The following CFAP95 variants were observed in gnomAD, a reference collection of about 807,000 sequenced individuals.
CFAP95 encodes cilia- and flagella-associated protein 95.
the CFAP95 span, among the ~76,000 whole-genome samples, chr9:69,898,392 T>C: frequency 1.3e-5 from 2 of 152,212 alleles, no homozygotes; most frequent in Non-Finnish European, 2.9e-5. Context: ...TCTCAGAGAA[T>C]TCATCAATTG....
At chr9:69,893,890 T>C in the CFAP95 span, among the ~76,000 whole-genome samples, 1 of 152,234 alleles carries the variant, frequency 6.6e-6, no homozygotes. Context: ...AAATGAATAA[T>C]TGCCATTTGC....
At chr9:69,898,717 A>G in the CFAP95 span, among the ~76,000 whole-genome samples, 8 of 152,120 alleles carry the variant, frequency 5.3e-5, no homozygotes, top group African/African-American at 1.9e-4. Context: ...TGTTCTTTAT[A>G]GCTATTTTTT....
At chr9:69,827,815 C>T in the CFAP95 span, among the ~76,000 whole-genome samples, 1 of 152,174 alleles carries the variant, frequency 6.6e-6, no homozygotes, top group Non-Finnish European at 1.5e-5. Flanking sequence ...CCGACTTAGG[C>T]TGGTCACCCT....
the CFAP95 span, among the ~76,000 whole-genome samples, chr9:69,865,570 G>A: frequency 6.6e-6 from 1 of 152,144 alleles, no homozygotes; most frequent in African/African-American, 2.4e-5. Context: ...AAGCCTAAGT[G>A]TTGGGCACAA....
At chr9:69,851,894 G>A in the CFAP95 span, among the ~76,000 whole-genome samples, 28 of 151,422 alleles carry the variant, frequency 1.8e-4, no homozygotes, top group South Asian at 5.8e-3. Context: ...AAAAAGAAGA[G>A]GAAGAAGGAA....
the CFAP95 span, among the ~76,000 whole-genome samples, chr9:69,849,986 C>T: frequency 6.6e-6 from 1 of 152,162 alleles, no homozygotes; most frequent in East Asian, 1.9e-4. Context: ...ATCATCATTG[C>T]TTCAACTTGT....
the CFAP95 span, among the ~76,000 whole-genome samples, chr9:69,824,073 G>C: frequency 6.6e-6 from 1 of 152,176 alleles, no homozygotes; most frequent in South Asian, 2.1e-4. Flanking sequence ...TGACCTCAAG[G>C]AGCTCCATAG....
chr9:69,905,814 C>A, the CFAP95 span: 3 of 590,646 alleles, frequency 5.1e-6, no homozygotes, highest in Non-Finnish European at 7.6e-6. Context: ...GAAACATTTG[C>A]TATTTGAGAG....
At chr9:69,888,642 G>A in the CFAP95 span, among the ~76,000 whole-genome samples, 3 of 152,278 alleles carry the variant, frequency 2.0e-5, no homozygotes, top group Admixed American at 6.5e-5. Context: ...TTGGGAGGCC[G>A]AGGCAGGTGG....
At chr9:69,872,323 G>A in the CFAP95 span, among the ~76,000 whole-genome samples, 262 of 152,274 alleles carry the variant, frequency 1.7e-3, no homozygotes, top group African/African-American at 5.9e-3. Context: ...TCATTTGGGT[G>A]AGTATTAATT....
At chr9:69,847,989 G>A in the CFAP95 span, among the ~76,000 whole-genome samples, 1 of 152,348 alleles carries the variant, frequency 6.6e-6, no homozygotes, top group Non-Finnish European at 1.5e-5. Flanking sequence ...AAAGAAGATG[G>A]TGTTAATAGG....
chr9:69,840,548 T>C, the CFAP95 span, among the ~76,000 whole-genome samples: 4 of 152,216 alleles, frequency 2.6e-5, no homozygotes, highest in African/African-American at 9.6e-5. Context: ...CAGGCCACTG[T>C]TCCCCTAACA....
chr9:69,845,021 T>G, the CFAP95 span, among the ~76,000 whole-genome samples: 1 of 152,182 alleles, frequency 6.6e-6, no homozygotes, highest in Non-Finnish European at 1.5e-5. Context: ...TCTTAAAGAC[T>G]AAGCAACTTA....
chr9:69,835,453 C>A, the CFAP95 span, among the ~76,000 whole-genome samples: 1 of 152,206 alleles, frequency 6.6e-6, no homozygotes, highest in African/African-American at 2.4e-5. Flanking sequence ...TTTATAATTT[C>A]TCTGGAGACA....
At chr9:69,866,550 G>A in the CFAP95 span, among the ~76,000 whole-genome samples, 40,867 of 152,078 alleles carry the variant, frequency 0.27, 6,030 homozygotes, top group Middle Eastern at 0.51. Flanking sequence ...TTTTTGTTCT[G>A]TTCAGGCCCT....
the CFAP95 span, among the ~76,000 whole-genome samples, chr9:69,890,754 G>A: frequency 1.2e-4 from 18 of 152,222 alleles, no homozygotes; most frequent in African/African-American, 4.3e-4. Context: ...TGCATAAATT[G>A]AGACTTGATT....
the CFAP95 span, among the ~76,000 whole-genome samples, chr9:69,829,069 T>G: frequency 2.0e-5 from 3 of 152,294 alleles, no homozygotes; most frequent in East Asian, 5.8e-4. Context: ...GATGATGTTA[T>G]TCACATTCAT....
chr9:69,884,907 T>A, the CFAP95 span: 1 of 152,222 alleles, frequency 6.6e-6, no homozygotes, highest in Non-Finnish European at 1.5e-5. Flanking sequence ...TAATTTTTGT[T>A]GTTTTAATCA....
the CFAP95 span, among the ~76,000 whole-genome samples, chr9:69,857,396 T>C: frequency 6.6e-6 from 1 of 152,194 alleles, no homozygotes; most frequent in African/African-American, 2.4e-5. Flanking sequence ...GCAGTCAAAA[T>C]AATGACAAAA....
Sources: allele counts gnomAD v4.1 joint callset (sites outside exome capture counted in the v4.1 genomes callset), GRCh38; gene constraint gnomAD v4.1.1; transcripts MANE v1.5; gene names NCBI Gene and HGNC (gene_info 2026-07-23, HGNC 2026-07-21).